ADAMTS16: variants seen among roughly 807,000 people sequenced by gnomAD.
ADAMTS16 encodes A disintegrin and metalloproteinase with thrombospondin motifs 16.
A neutral mutation model predicts 145.8 loss-of-function variants in ADAMTS16; 94 were observed. The ratio of observed to expected loss-of-function variants is 0.64; its 90% CI spans 0.55 to 0.77. The LOEUF (loss-of-function observed/expected upper bound fraction) is 0.77, where lower values mean the gene tolerates loss of function less well. Among genes scored for constraint, ADAMTS16 ranks in the 30% least tolerant of loss-of-function variants. The pLI is 0.00. For synonymous variants in ADAMTS16, 659 were observed against 604.3 expected, an observed-to-expected ratio of 1.09 and a Z score of -1.33; for missense variants, 1,585 against 1,591.5, an observed-to-expected ratio of 1.00 and a Z score of 0.07.
intron 18 of ADAMTS16, among the ~76,000 whole-genome samples, chr5:5,264,580 A>G (rs1738166092): frequency 6.6e-6 from 1 of 152,118 alleles, no homozygotes; most frequent in Non-Finnish European, 1.5e-5. Flanking sequence ...CTCTCAGTAA[A>G]GAGAAGGAGG....
intron 18 of ADAMTS16, among the ~76,000 whole-genome samples, chr5:5,293,864 T>C (rs1739426193): frequency 6.6e-6 from 1 of 152,136 alleles, no homozygotes; most frequent in African/African-American, 2.4e-5. Context: ...TGTGGTATCT[T>C]GCCAACACAG....
intron 18 of ADAMTS16, among the ~76,000 whole-genome samples, chr5:5,275,864 AT>A (rs35268868): frequency 0.76 from 113,447 of 148,746 alleles, 43,456 homozygotes; most frequent in Admixed American, 0.84. Flanking sequence ...TGAAGAATCT[AT>A]TTTTTTTTTT....
chr5:5,182,520 G>T (rs1165041584), intron 4 of ADAMTS16, among the ~76,000 whole-genome samples: 1 of 152,180 alleles, frequency 6.6e-6, no homozygotes, highest in African/African-American at 2.4e-5. Context: ...AATGGTAAAT[G>T]ATGTCTTTTT....
Position 5,319,269 on chromosome 5 carries a change from CTT to C in ADAMTS16, c.*133_*134del. On this transcript the variant is annotated 3_prime_UTR_variant, in exon 23 of 23. Transcript: ENST00000274181. Reference sequence around the variant, plus strand: ...CAAAAGAAGAAAACCGTGTTAGGCTCTTTGACCAGGAGTGTATGTATGTGTTT... The same window carrying C: ...CAAAAGAAGAAAACCGTGTTAGGCTCTGACCAGGAGTGTATGTATGTGTTT... 1 of 706,242 alleles carries C rather than the reference CTT, an allele frequency of 1.4e-6. No individual in the cohort carries two copies. Among genetic ancestry groups the C allele is most frequent in the Admixed American group, 2.2e-5 (1 of 46,472 alleles). 43.7% of individuals were successfully genotyped at this position (706,242 alleles called of 1,614,324 possible).
intron 3 of ADAMTS16, among the ~76,000 whole-genome samples, chr5:5,179,522 CAGTT>C (rs1324227544): frequency 5.3e-5 from 8 of 152,186 alleles, no homozygotes; most frequent in African/African-American, 1.4e-4. Flanking sequence ...TTACGCTTCT[CAGTT>C]AGTTAAAATA....
At chr5:5,161,012 C>A (rs1463034277) in intron 3 of ADAMTS16, among the ~76,000 whole-genome samples, 1 of 152,110 alleles carries the variant, frequency 6.6e-6, no homozygotes, top group Non-Finnish European at 1.5e-5. Flanking sequence ...TCTTAAAAGC[C>A]CATACCTTAG....
intron 7 of ADAMTS16, among the ~76,000 whole-genome samples, chr5:5,190,808 A>G (rs1735644559): frequency 6.6e-6 from 1 of 152,138 alleles, no homozygotes; most frequent in African/African-American, 2.4e-5. Flanking sequence ...TTGTCCTTAG[A>G]CAGCCCTCCT....
At chr5:5,265,232 A>G (rs1312456501) in intron 18 of ADAMTS16, among the ~76,000 whole-genome samples, 5 of 152,074 alleles carry the variant, frequency 3.3e-5, no homozygotes, top group Non-Finnish European at 5.9e-5. Flanking sequence ...TAAGGTGGTC[A>G]GGACAGATTT....
At chr5:5,314,843 C>T (rs1334063941) in intron 21 of ADAMTS16, among the ~76,000 whole-genome samples, 1 of 152,142 alleles carries the variant, frequency 6.6e-6, no homozygotes, top group East Asian at 1.9e-4. Flanking sequence ...TCCCCACAGG[C>T]CCCTGTGGCT....
intron 9 of ADAMTS16, 75 bp downstream of exon 9, chr5:5,200,344 G>T: frequency 1.3e-6 from 2 of 1,576,174 alleles, no homozygotes; most frequent in Non-Finnish European, 8.6e-7. Flanking sequence ...CAGATCCTGT[G>T]CAAGCAGCCC....
At chr5:5,140,892 T>C in intron 2 of ADAMTS16, 126 bp downstream of exon 2, 2 of 934,128 alleles carry the variant, frequency 2.1e-6, no homozygotes, top group Non-Finnish European at 1.4e-6. Context: ...GATGCTGTTG[T>C]GAACTTTTTT....
At chr5:5,149,676 G>T (rs1458581882) in intron 3 of ADAMTS16, among the ~76,000 whole-genome samples, 3 of 151,924 alleles carry the variant, frequency 2.0e-5, no homozygotes, top group African/African-American at 7.3e-5. Context: ...TCTAATAGGA[G>T]ACATTTATAT....
intron 17 of ADAMTS16, among the ~76,000 whole-genome samples, chr5:5,254,382 AT>A (rs1161559375): frequency 6.6e-6 from 1 of 152,180 alleles, no homozygotes; most frequent in African/African-American, 2.4e-5. Context: ...CTCCAAAATA[AT>A]TTTAACTTAT....
intron 3 of ADAMTS16, among the ~76,000 whole-genome samples, chr5:5,166,591 G>C (rs1734889809): frequency 1.3e-5 from 2 of 152,144 alleles, no homozygotes; most frequent in South Asian, 4.1e-4. Context: ...GGGTGATCTG[G>C]TTTATAAATC....
intron 3 of ADAMTS16, among the ~76,000 whole-genome samples, chr5:5,151,710 G>GTGTGTA (rs1332551398): frequency 2.7e-5 from 4 of 147,508 alleles, no homozygotes; most frequent in African/African-American, 1.0e-4. Flanking sequence ...GTGTGTGTGT[G>GTGTGTA]TGTGTGTGTG....
intron 18 of ADAMTS16, among the ~76,000 whole-genome samples, chr5:5,278,028 T>C (rs557466769): frequency 5.3e-5 from 8 of 152,256 alleles, no homozygotes; most frequent in Admixed American, 1.3e-4. Context: ...GAAGAATCTG[T>C]TTAAATTGTT....
chr5:5,304,858 G>C (rs1049779394), intron 20 of ADAMTS16, among the ~76,000 whole-genome samples: 1 of 152,002 alleles, frequency 6.6e-6, no homozygotes, highest in Non-Finnish European at 1.5e-5. Context: ...TATCCCTAGA[G>C]GCAGAGTCTA....
In ADAMTS16 at chr5:5,306,493, C is replaced by T; in HGVS notation, c.3187-11C>T. ...TTTTTTCACTGACTTCTTTTGTTCT[C>T]TTCTTTTTAGTGCTCTGTGACATGT... is the stretch of plus-strand genomic sequence containing the variant. On this transcript the variant is annotated splice_polypyrimidine_tract_variant and intron_variant, in intron 20 of 22. Transcript: ENST00000274181. The T allele has an allele frequency of 6.3e-7, 1 of 1,599,072 alleles. No individual in the cohort carries two copies. The highest frequency in any genetic ancestry group is 1.3e-5 in the African/African-American group (1 of 74,434).
At chr5:5,180,570 C>T (rs532103598) in intron 3 of ADAMTS16, among the ~76,000 whole-genome samples, 2 of 152,228 alleles carry the variant, frequency 1.3e-5, no homozygotes, top group African/African-American at 4.8e-5. Flanking sequence ...GGTTATTGTT[C>T]CAACATCAAC....
Sources: gnomAD v4.1 joint callset for allele counts (sites outside exome capture counted in the v4.1 genomes callset) on GRCh38, gnomAD v4.1.1 for gene constraint, MANE v1.5 for transcripts, NCBI Gene and HGNC (gene_info 2026-07-23, HGNC 2026-07-21) for gene names.